SNX29: variants seen among roughly 807,000 people sequenced by gnomAD.
The protein encoded by SNX29 is sorting nexin-29.
A neutral mutation model predicts 102.1 loss-of-function variants in SNX29; 78 were observed. The ratio of observed to expected loss-of-function variants is 0.76; its 90% CI spans 0.64 to 0.92. The LOEUF is 0.92. Among genes scored for constraint, SNX29 ranks in the 40% least tolerant of loss-of-function variants. SNX29 has a pLI of 0.00. For synonymous variants in SNX29, 580 were observed against 414.5 expected (o/e 1.40, Z -4.85); for missense variants, 1,280 against 1,061.7 (o/e 1.21, Z -2.86).
rs544875114 is a variant in SNX29 at position 12,013,414 on chromosome 16, G to A, written c.122+10371G>A. ...ATCCCAGCACTTTGGGAGGCTGAGT[G>A]GGGGACAGATTGCTTGAGGCCAGGA... On this transcript the variant is annotated intron_variant, in intron 3 of 20. Coordinates refer to ENST00000566228, the MANE Select transcript of SNX29 (RefSeq NM_032167.5). 3.2e-4 allele frequency among the ~76,000 whole-genome samples: 45 copies of A among 141,928 alleles called. 1 individual carries two copies. Among genetic ancestry groups the A allele is most frequent in the Admixed American group, 2.5e-3 (34 of 13,754 alleles). 93.1% of individuals were successfully genotyped at this position (141,928 alleles called of 152,430 possible).
rs995134808 is a variant in SNX29 at position 12,200,077 on chromosome 16, A to G, written c.1678+394A>G. Among the ~76,000 whole-genome samples, 14 of 152,262 alleles carry G rather than the reference A, an allele frequency of 9.2e-5. No individual in the cohort carries two copies. The South Asian group carries it at 1.7e-3, about 18-fold the overall frequency. The stretch of plus-strand genomic sequence containing the variant: ...CTGGACTTAGGCTGATCAGGTTCCA[A>G]TTCCAGCTCTGGTTAAGTTTTCTAA... On this transcript the variant is annotated intron_variant, in intron 14 of 20. Transcript: ENST00000566228.
intron 15 of SNX29, among the ~76,000 whole-genome samples, chr16:12,310,672 T>TG (rs2080509556): frequency 6.6e-6 from 1 of 152,084 alleles, no homozygotes; most frequent in African/African-American, 2.4e-5. Flanking sequence ...AAGGAACCTT[T>TG]GGGGGTGGTG....
intron 15 of SNX29, among the ~76,000 whole-genome samples, chr16:12,325,841 A>G (rs1174701923): frequency 6.6e-6 from 1 of 152,036 alleles, no homozygotes; most frequent in African/African-American, 2.4e-5. Context: ...AGCCTGGACA[A>G]CACAACAAGA....
At chr16:12,538,820 A>T (rs958897144) in intron 20 of SNX29, among the ~76,000 whole-genome samples, 1 of 152,184 alleles carries the variant, frequency 6.6e-6, no homozygotes, top group African/African-American at 2.4e-5. Flanking sequence ...AGTCAGTGGG[A>T]GGGCACTGCA....
chr16:12,549,565 C>T (rs929021814), intron 20 of SNX29, among the ~76,000 whole-genome samples: 1 of 152,178 alleles, frequency 6.6e-6, no homozygotes, highest in East Asian at 1.9e-4. Flanking sequence ...GGCTTCCACC[C>T]TGGGACCCCA....
chr16:12,092,867 G>A (rs537798998), intron 11 of SNX29, among the ~76,000 whole-genome samples: 2 of 152,200 alleles, frequency 1.3e-5, no homozygotes, highest in Admixed American at 1.3e-4. Flanking sequence ...GTGACATTCA[G>A]GTGAATTTGA....
At chr16:12,478,394 G>A (rs2087755438) in intron 19 of SNX29, among the ~76,000 whole-genome samples, 1 of 152,204 alleles carries the variant, frequency 6.6e-6, no homozygotes, top group Non-Finnish European at 1.5e-5. Context: ...TTTCTCAGAG[G>A]AGTTTGTTGT....
chr16:12,016,790 C>A (rs1227785476), intron 3 of SNX29, among the ~76,000 whole-genome samples: 1 of 151,698 alleles, frequency 6.6e-6, no homozygotes, highest in East Asian at 1.9e-4. Flanking sequence ...AGGGTGATTT[C>A]CTAGAAGTGG....
intron 14 of SNX29, among the ~76,000 whole-genome samples, chr16:12,221,700 T>C (rs2077482403): frequency 6.6e-5 from 10 of 152,174 alleles, no homozygotes. Flanking sequence ...GGTGGCTTTG[T>C]GGGGAAGTAT....
At chr16:12,102,956 G>A (rs2053083548) in intron 11 of SNX29, among the ~76,000 whole-genome samples, 1 of 152,146 alleles carries the variant, frequency 6.6e-6, no homozygotes, top group Admixed American at 6.6e-5. Context: ...ATTCATAATT[G>A]CTACAAAGAA....
chr16:12,471,476 G>A (rs2151796444), intron 18 of SNX29, among the ~76,000 whole-genome samples: 1 of 152,200 alleles, frequency 6.6e-6, no homozygotes, highest in Non-Finnish European at 1.5e-5. Flanking sequence ...CTGGCAAGGG[G>A]TGCAGCTGGA....
chr16:12,425,285 C>G (rs896379145), intron 18 of SNX29, among the ~76,000 whole-genome samples: 5 of 152,122 alleles, frequency 3.3e-5, no homozygotes, highest in African/African-American at 1.2e-4. Context: ...GCTAAGAAAC[C>G]AGGATGGCAA....
chr16:12,417,461 TG>T (rs1362778663), intron 18 of SNX29, among the ~76,000 whole-genome samples: 1 of 152,144 alleles, frequency 6.6e-6, no homozygotes, highest in African/African-American at 2.4e-5. Flanking sequence ...GATGAGCTAG[TG>T]GGTCAGAGGG....
intron 8 of SNX29, 163 bp from the exon 9 acceptor site, chr16:12,061,365 T>C (rs1052498775): frequency 1.6e-6 from 1 of 612,732 alleles, no homozygotes; most frequent in Non-Finnish European, 2.9e-6. Flanking sequence ...GCAAGAGGTC[T>C]GGATCTGGAC....
In SNX29 at chr16:12,061,640, C is replaced by T. The variant is rs781030616; in HGVS notation, c.1237C>T (p.Pro413Ser). The T allele has an allele frequency of 5.0e-6, 8 of 1,610,250 alleles. No homozygotes were observed. In the African/African-American group the frequency reaches 1.1e-4, roughly 22 times the overall value. The change falls in exon 9 of 21, where the codon CCA (proline) becomes TCA (serine). Residue 413 changes from proline to serine, a missense_variant. Physicochemically the swap from Pro to Ser is moderately conservative, Grantham distance 74 (BLOSUM62 -1). Coordinates refer to ENST00000566228, the MANE Select transcript of SNX29 (RefSeq NM_032167.5). ...FPVSGVGSYS[P>S]ADAPLGSLEN... ...TGTCAGTGGCGTGGGCTCCTACAGC[C>T]CAGCAGGTGGGTGTCTCCCGATTAC...
At chr16:12,333,519 A>G (rs951144727) in intron 15 of SNX29, among the ~76,000 whole-genome samples, 1 of 152,122 alleles carries the variant, frequency 6.6e-6, no homozygotes, top group African/African-American at 2.4e-5. Flanking sequence ...CTGATCAATG[A>G]TCAGTATGGG....
chr16:12,476,421 T>TATATATATATATATATATATAC (rs2087641162), intron 18 of SNX29, among the ~76,000 whole-genome samples: 1 of 51,978 alleles, frequency 1.9e-5, no homozygotes, highest in African/African-American at 6.4e-5. Context: ...TACATATATA[T>TATATATATATATATATATATAC]ATATATATAT....
At chr16:12,389,270 G>A (rs1245303622) in intron 16 of SNX29, among the ~76,000 whole-genome samples, 1 of 152,118 alleles carries the variant, frequency 6.6e-6, no homozygotes, top group African/African-American at 2.4e-5. Context: ...ATATGGATTG[G>A]CTGTGTCCCC....
chr16:12,470,043 C>A (rs935136878), intron 18 of SNX29, among the ~76,000 whole-genome samples: 1 of 152,100 alleles, frequency 6.6e-6, no homozygotes, highest in Non-Finnish European at 1.5e-5. Flanking sequence ...ATAAATAAAT[C>A]GCAGGGCTTT....
Sources: allele counts gnomAD v4.1 joint callset (sites outside exome capture counted in the v4.1 genomes callset), GRCh38; gene constraint gnomAD v4.1.1; transcripts MANE v1.5; gene names NCBI Gene and HGNC (gene_info 2026-07-23, HGNC 2026-07-21).